PDCL2: variants seen among roughly 807,000 people sequenced by gnomAD.
The protein encoded by PDCL2 is phosducin like 2.
A neutral mutation model predicts 30.3 loss-of-function variants in PDCL2; 23 were observed. That is an observed-to-expected ratio of 0.76 (90% confidence interval 0.55 to 1.08). PDCL2 has a LOEUF of 1.08. Among genes scored for constraint, PDCL2 ranks in the 50% least tolerant of loss-of-function variants. The pLI is 0.00. For synonymous variants in PDCL2, 68 were observed against 86.2 expected (o/e 0.79, Z 1.17); for missense variants, 243 against 282.3 (o/e 0.86, Z 1.00).
chr4:55,591,710 T>C (rs1305669052), intron 1 of PDCL2, among the ~76,000 whole-genome samples: 1 of 152,214 alleles, frequency 6.6e-6, no homozygotes, highest in Non-Finnish European at 1.5e-5. Context: ...TTAAGACATA[T>C]GTGACTAGTA....
intron 1 of PDCL2, among the ~76,000 whole-genome samples, chr4:55,585,521 C>T (rs1560505550): frequency 6.7e-6 from 1 of 149,596 alleles, no homozygotes; most frequent in Non-Finnish European, 1.5e-5. Flanking sequence ...AAGTGAGATA[C>T]TGTCACACAC....
chr4:55,562,531 G>T lies in PDCL2; in HGVS notation c.444C>A (p.Ile148=), dbSNP rs537838152. Reference sequence around the variant, plus strand: ...GGTAGTGTTGAATACAGCTATTCACGATGGCTTTAACAAATTTAGTTTCTG... The same window carrying T: ...GGTAGTGTTGAATACAGCTATTCACTATGGCTTTAACAAATTTAGTTTCTG... ...KFPETKFVKA[I]VNSCIQHYHD... is the part of the protein sequence containing the mutation. The change falls in exon 5 of 6, where the codon ATC becomes ATA. Residue 148 remains isoleucine (I), a synonymous_variant. Transcript: ENST00000295645. 7 of 1,604,194 alleles carry T rather than the reference G, an allele frequency of 4.4e-6. No individual in the cohort carries two copies. Among genetic ancestry groups the T allele is most frequent in the Non-Finnish European group, 6.0e-6 (7 of 1,175,218 alleles).
chr4:55,573,565 C>T (rs981201819), intron 3 of PDCL2, among the ~76,000 whole-genome samples: 3 of 152,010 alleles, frequency 2.0e-5, no homozygotes, highest in African/African-American at 4.8e-5. Flanking sequence ...GCCTGGCCAA[C>T]GTGGTGAAAT....
intron 4 of PDCL2, among the ~76,000 whole-genome samples, chr4:55,565,507 G>A (rs1427608611): frequency 3.9e-5 from 6 of 152,178 alleles, no homozygotes; most frequent in East Asian, 1.9e-4. Context: ...TTATAAAACC[G>A]TCAGATCTCA....
chr4:55,581,638 A>C (rs1732714437), intron 2 of PDCL2, among the ~76,000 whole-genome samples: 1 of 152,210 alleles, frequency 6.6e-6, no homozygotes, highest in South Asian at 2.1e-4. Flanking sequence ...ATGTGAAATT[A>C]GTCATTTTAG....
chr4:55,570,257 C>T (rs1732388040), intron 3 of PDCL2, among the ~76,000 whole-genome samples: 1 of 152,278 alleles, frequency 6.6e-6, no homozygotes, highest in African/African-American at 2.4e-5. Context: ...AAATACATAA[C>T]ATTAATGAAC....
intron 5 of PDCL2, among the ~76,000 whole-genome samples, chr4:55,558,909 AAAC>A (rs1266433864): frequency 1.3e-5 from 2 of 152,198 alleles, no homozygotes. Flanking sequence ...TAAATCAATG[AAAC>A]AACATATGCA....
At chr4:55,585,547 C>A (rs540079891) in intron 1 of PDCL2, among the ~76,000 whole-genome samples, 3 of 152,082 alleles carry the variant, frequency 2.0e-5, no homozygotes, top group African/African-American at 7.2e-5. Context: ...CACACAGACA[C>A]ACACACACAC....
At chr4:55,574,937 G>T (rs1027976869) in intron 3 of PDCL2, among the ~76,000 whole-genome samples, 2 of 152,174 alleles carry the variant, frequency 1.3e-5, no homozygotes, top group African/African-American at 4.8e-5. Flanking sequence ...AAGTGGAATT[G>T]CTGGGTCATA....
At chr4:55,561,519 A>T (rs1732136870) in intron 5 of PDCL2, among the ~76,000 whole-genome samples, 1 of 152,146 alleles carries the variant, frequency 6.6e-6, no homozygotes. Flanking sequence ...AGCCAAGGTC[A>T]TGCCACTGCA....
intron 1 of PDCL2, among the ~76,000 whole-genome samples, chr4:55,582,535 T>C (rs1209213014): frequency 6.6e-6 from 1 of 152,202 alleles, no homozygotes; most frequent in African/African-American, 2.4e-5. Context: ...CAAAACCAAT[T>C]CACATCATAC....
At chr4:55,570,214 C>A (rs914195261) in intron 3 of PDCL2, among the ~76,000 whole-genome samples, 5 of 152,088 alleles carry the variant, frequency 3.3e-5, no homozygotes, top group Non-Finnish European at 5.9e-5. Flanking sequence ...CCAACATTAA[C>A]CAAGTGCTTG....
intron 1 of PDCL2, among the ~76,000 whole-genome samples, chr4:55,583,817 A>G (rs1339053557): frequency 6.6e-6 from 1 of 152,202 alleles, no homozygotes; most frequent in African/African-American, 2.4e-5. Flanking sequence ...GCTTTACAAT[A>G]TAGTTTGAAG....
chr4:55,576,630 A>G (rs1732576126), intron 3 of PDCL2, among the ~76,000 whole-genome samples: 1 of 152,162 alleles, frequency 6.6e-6, no homozygotes, highest in African/African-American at 2.4e-5. Flanking sequence ...CTATGAAAAA[A>G]CTAAAAGATA....
rs974413973 is a variant in PDCL2, at chr4:55,558,413, C to T, written c.572-1702G>A. ...CCCACTTCACTTAGCTCTCATTCTT[C>T]TCCTTCCTGCTGCCATGTGAAGAAG... On this transcript the variant is annotated intron_variant, in intron 5 of 5. Transcript: ENST00000295645. Among the ~76,000 whole-genome samples the T allele has an allele frequency of 3.3e-4, 50 of 152,154 alleles. 1 individual carries two copies. Among genetic ancestry groups the T allele is most frequent in the Non-Finnish European group, 1.5e-5 (1 of 68,032 alleles).
chr4:55,581,763 G>A (rs1409305693), intron 2 of PDCL2, among the ~76,000 whole-genome samples: 1 of 152,204 alleles, frequency 6.6e-6, no homozygotes, highest in African/African-American at 2.4e-5. Context: ...GAGTGCAGTG[G>A]CACGATCTCA....
chr4:55,571,240 G>A (rs1468324232), intron 3 of PDCL2, among the ~76,000 whole-genome samples: 1 of 151,992 alleles, frequency 6.6e-6, no homozygotes, highest in Non-Finnish European at 1.5e-5. Context: ...TGCTCCTTCT[G>A]ACTTCTGATC....
rs1298697692 is a variant in PDCL2, at chr4:55,562,430, C to A, written c.545G>T (p.Cys182Phe). The A allele has an allele frequency of 1.4e-6, 2 of 1,455,734 alleles. No homozygotes were observed. The highest frequency in any genetic ancestry group is 2.6e-5 in the East Asian group (1 of 38,156). 90.2% of individuals were successfully genotyped at this position (1,455,734 alleles called of 1,614,324 possible). The change falls in exon 5 of 6, where the codon TGT (cysteine) becomes TTT (phenylalanine). Residue 182 changes from cysteine (C) to phenylalanine (F), a missense_variant. Physicochemically the swap from Cys to Phe is radical, Grantham distance 205. Coordinates refer to ENST00000295645, the MANE Select transcript of PDCL2 (RefSeq NM_152401.3). The stretch of plus-strand genomic sequence containing the variant: ...TTCCAGCTTGAGATTTATCCCTCCA[C>A]ATTCTATAATTCCAATGAATTTGGC... ...IEAKFIGIIECGGINLKLEEL... is the reference protein window; with the variant it reads ...IEAKFIGIIEFGGINLKLEEL...
chr4:55,566,535 G>C (rs1217859766), intron 4 of PDCL2, among the ~76,000 whole-genome samples: 3 of 146,090 alleles, frequency 2.1e-5, no homozygotes, highest in African/African-American at 7.6e-5. Flanking sequence ...CCATTCCCCT[G>C]CTTTAGCCTC....
Sources: gnomAD v4.1 joint callset for allele counts (sites outside exome capture counted in the v4.1 genomes callset) on GRCh38, gnomAD v4.1.1 for gene constraint, MANE v1.5 for transcripts, NCBI Gene and HGNC (gene_info 2026-07-23, HGNC 2026-07-21) for gene names.